The following OTOA variants were observed in gnomAD, a reference collection of about 807,000 sequenced individuals.
OTOA encodes the protein otoancorin.
Under a neutral mutation model 110.8 loss-of-function variants are expected in OTOA, and 70 were observed. The ratio of observed to expected loss-of-function variants is 0.63; its 90% CI spans 0.52 to 0.77. The LOEUF is 0.77. OTOA is among the 30% of genes least tolerant of loss of function. The pLI is 0.00. For synonymous variants in OTOA, 373 were observed against 431.5 expected (o/e 0.86, Z 1.68); for missense variants, 917 against 1,075.8 (o/e 0.85, Z 2.06).
At chr16:21,666,667 T>C (rs1039113495) in intron 1 of OTOA, among the ~76,000 whole-genome samples, 2 of 152,286 alleles carry the variant, frequency 1.3e-5, no homozygotes, top group East Asian at 1.9e-4. Context: ...ACCACAGGGA[T>C]CCTTGCCTGA....
In OTOA at chr16:21,696,812, CA is replaced by C. The variant is rs1390209724; in HGVS notation, c.740-961del. ...TCATGTTTCCAGATTATTTAGTAAC[CA>C]ATCGAATGAAAAAATAAAACTACAT... On this transcript the variant is annotated intron_variant, in intron 9 of 28. Coordinates refer to ENST00000646100, the MANE Select transcript of OTOA (RefSeq NM_144672.4). Among the ~76,000 whole-genome samples the C allele has an allele frequency of 2.0e-5, 3 of 152,010 alleles. No individual in the cohort carries two copies. The East Asian group carries it at 5.8e-4, about 29-fold the overall frequency.
At chr16:21,714,952 C>T (rs766400852) in intron 13 of OTOA, 33 bp from the exon 14 acceptor site, 2 of 1,613,386 alleles carry the variant, frequency 1.2e-6, no homozygotes, top group Admixed American at 1.7e-5. Context: ...AAGGCGGGAG[C>T]AGAGCCTGAC....
chr16:21,725,087 C>T (rs1354531777), intron 18 of OTOA, among the ~76,000 whole-genome samples: 1 of 151,858 alleles, frequency 6.6e-6, no homozygotes, highest in African/African-American at 2.4e-5. Flanking sequence ...ATTAATAGCT[C>T]AAATGTCTTG....
intron 5 of OTOA, among the ~76,000 whole-genome samples, chr16:21,680,091 A>T (rs1180341226): frequency 1.3e-5 from 2 of 152,192 alleles, no homozygotes; most frequent in African/African-American, 4.8e-5. Context: ...TTAAAGTGAA[A>T]GACTCCCATA....
At chr16:21,704,836 G>T (rs1309358451) in intron 11 of OTOA, 3 of 748,402 alleles carry the variant, frequency 4.0e-6, no homozygotes, top group Non-Finnish European at 4.9e-6. Context: ...GACTTGATCT[G>T]ATTGGGTCTT....
chr16:21,671,084 GTGTTTTTCAAAACAGCATC>G (rs1359107340), intron 1 of OTOA, among the ~76,000 whole-genome samples: 1 of 152,028 alleles, frequency 6.6e-6, no homozygotes, highest in Admixed American at 6.6e-5. Context: ...TATTGAGATG[GTGTTTTTCAAAACAGCATC>G]TGTTTGAAAA....
intron 11 of OTOA, 49 bp from the exon 12 acceptor site, chr16:21,705,120 C>T (rs1898133185): frequency 3.1e-6 from 5 of 1,614,048 alleles, no homozygotes; most frequent in Non-Finnish European, 4.2e-6. Context: ...CCAGAATGGG[C>T]TGGTTCTGCG....
chr16:21,743,080 G>GA (rs1899532595), intron 23 of OTOA, among the ~76,000 whole-genome samples: 1 of 83,254 alleles, frequency 1.2e-5, no homozygotes, highest in African/African-American at 4.0e-5. Flanking sequence ...AATGTATTTA[G>GA]AAAAAATGAT....
intron 11 of OTOA, chr16:21,704,901 G>A: frequency 1.3e-6 from 1 of 779,046 alleles, no homozygotes; most frequent in Admixed American, 1.7e-5. Context: ...ATGAGGTGAT[G>A]CCAGGACTCA....
chr16:21,759,321 A>G (rs1900094091), intron 28 of OTOA, among the ~76,000 whole-genome samples: 1 of 151,988 alleles, frequency 6.6e-6, no homozygotes, highest in Non-Finnish European at 1.5e-5. Flanking sequence ...CTTATTATAC[A>G]CCTTATTCTG....
At chr16:21,706,823 CTT>C (rs34176598) in intron 12 of OTOA, among the ~76,000 whole-genome samples, 10,039 of 128,256 alleles carry the variant, frequency 0.078, 380 homozygotes, top group Middle Eastern at 0.17. Context: ...GTCAGCGCAT[CTT>C]TTTTTTTTTT....
chr16:21,733,463 AG>A (rs1311375363), intron 21 of OTOA, among the ~76,000 whole-genome samples: 1 of 152,164 alleles, frequency 6.6e-6, no homozygotes, highest in Non-Finnish European at 1.5e-5. Flanking sequence ...AGGTACAGCC[AG>A]GGTTGAAGAA....
Position 21,719,387 on chromosome 16 carries a change from T to C in OTOA, c.1689T>C (p.Ser563=), listed in dbSNP as rs1431694547. ...CCGAGTGCCTTGTTTTGTTTTCTAG[T>C]GCTGGGCAGCTGGTCAAAGGCGTGA... ...KTTRRPEELL[S]AGQLVKGVTC... The change falls in exon 17 of 29, where the codon AGT becomes AGC. Residue 563 remains serine, a splice_region_variant and synonymous_variant. Transcript: ENST00000646100. 1.9e-6 allele frequency: 3 copies of C among 1,613,990 alleles called. No individual in the cohort carries two copies. In the Admixed American group the frequency reaches 5.0e-5, roughly 27 times the overall value.
At chr16:21,680,709 TG>T (rs1226912770) in intron 5 of OTOA, among the ~76,000 whole-genome samples, 3 of 151,736 alleles carry the variant, frequency 2.0e-5, no homozygotes, top group African/African-American at 7.3e-5. Context: ...AAAAATGAGC[TG>T]GATGTGGTGG....
intron 20 of OTOA, among the ~76,000 whole-genome samples, chr16:21,729,038 G>A (rs1236505130): frequency 7.2e-6 from 1 of 139,514 alleles, no homozygotes; most frequent in Admixed American, 7.4e-5. Flanking sequence ...TTAGTTTAAA[G>A]ACTATTTTTT....
intron 1 of OTOA, among the ~76,000 whole-genome samples, chr16:21,675,175 A>G (rs1220123877): frequency 1.0e-5 from 1 of 98,210 alleles, no homozygotes; most frequent in Non-Finnish European, 2.0e-5. Flanking sequence ...TTTTTTTTTC[A>G]GTCTCATTCT....
intron 13 of OTOA, among the ~76,000 whole-genome samples, chr16:21,710,665 T>G (rs762396406): frequency 2.6e-5 from 4 of 152,146 alleles, no homozygotes; most frequent in Admixed American, 6.6e-5. Flanking sequence ...CAATTTGCTA[T>G]TTTCACTTTG....
chr16:21,760,077 G>A (rs568937294), intron 28 of OTOA, among the ~76,000 whole-genome samples: 1 of 152,036 alleles, frequency 6.6e-6, no homozygotes, highest in African/African-American at 2.4e-5. Flanking sequence ...GCCTAAGTGA[G>A]GGCTGCCATT....
In OTOA at chr16:21,728,287, T is replaced by A. The variant is rs757019916; in HGVS notation, c.2063T>A (p.Leu688Gln). 6.2e-7 allele frequency: 1 copy of A among 1,614,188 alleles called. No individual in the cohort carries two copies. Residue 688 changes from leucine (L) to glutamine (Q), a missense_variant, in exon 20 of 29, where the codon CTG becomes CAG. By Grantham distance (113) the Leu-to-Gln change is moderately radical. Transcript: ENST00000646100. ...DEYTVDIMGN[L>Q]LCHLPAAIID... ...TACACTGTGGACATCATGGGGAACC[T>A]GCTGTGTCACTTGCCGGCAGCCATC...
Sources: allele counts gnomAD v4.1 joint callset (sites outside exome capture counted in the v4.1 genomes callset), GRCh38; gene constraint gnomAD v4.1.1; transcripts MANE v1.5; gene names NCBI Gene and HGNC (gene_info 2026-07-23, HGNC 2026-07-21).